Variants in PDE10A observed in about 807,000 individuals in gnomAD.
PDE10A encodes phosphodiesterase 10A.
PDE10A carries 39 observed loss-of-function variants against 97.7 expected under a neutral mutation model. The observed-to-expected ratio is 0.40, with a 90% CI of 0.31 to 0.52. The LOEUF (loss-of-function observed/expected upper bound fraction) is 0.52. Among genes scored for constraint, PDE10A ranks in the 20% least tolerant of loss-of-function variants. The pLI is 0.56. For missense variants in PDE10A, 731 were observed against 1,047.8 expected, an observed-to-expected ratio of 0.70 and a Z score of 4.17; for synonymous variants, 371 against 376.8, an observed-to-expected ratio of 0.98 and a Z score of 0.18.
chr6:165,406,508 C>T (rs565448151), intron 13 of PDE10A, among the ~76,000 whole-genome samples: 2 of 152,146 alleles, frequency 1.3e-5, no homozygotes, highest in African/African-American at 4.8e-5. Context: ...TTTCATGAAC[C>T]CTATCCTTGC....
intron 1 of PDE10A, among the ~76,000 whole-genome samples, chr6:165,650,553 C>T (rs3008050): frequency 0.4 from 60,442 of 151,950 alleles, 12,132 homozygotes; most frequent in Middle Eastern, 0.54. Flanking sequence ...CGGTGTATCT[C>T]GAAGATCTTC....
Position 165,390,480 on chromosome 6 carries a change from T to G in PDE10A, c.2455-2027A>C, listed in dbSNP as rs1193603058. On this transcript the variant is annotated intron_variant, in intron 16 of 21. Coordinates refer to ENST00000539869, the MANE Select transcript of PDE10A (RefSeq NM_001385079.1). ...GAGAAGAGCGGCAGATCGGAGCATATTCTAAGATGGAAGTAAAAAACTGCA... is the reference window on the plus strand; with the variant it reads ...GAGAAGAGCGGCAGATCGGAGCATAGTCTAAGATGGAAGTAAAAAACTGCA... Among the ~76,000 whole-genome samples the G allele has an allele frequency of 1.4e-4, 22 of 152,086 alleles. 1 individual carries two copies. The highest frequency in any genetic ancestry group is 2.6e-4 in the Non-Finnish European group (18 of 68,020).
chr6:165,947,634 G>A (rs900952119), intron 1 of PDE10A, among the ~76,000 whole-genome samples: 2 of 152,168 alleles, frequency 1.3e-5, no homozygotes, highest in Admixed American at 1.3e-4. Flanking sequence ...ATCTCAAGTT[G>A]TGGCATAAAC....
intron 2 of PDE10A, among the ~76,000 whole-genome samples, chr6:165,537,662 T>C (rs1465457134): frequency 6.6e-6 from 1 of 152,018 alleles, no homozygotes; most frequent in African/African-American, 2.4e-5. Flanking sequence ...AATAACTCTT[T>C]ATAGATGAAT....
At chr6:165,527,661 A>T (rs1453542556) in intron 2 of PDE10A, among the ~76,000 whole-genome samples, 1 of 152,192 alleles carries the variant, frequency 6.6e-6, no homozygotes. Context: ...CTAGCCATAA[A>T]GTGGGTCATG....
chr6:165,390,567 G>A (rs1309953713), intron 16 of PDE10A, among the ~76,000 whole-genome samples: 2 of 152,148 alleles, frequency 1.3e-5, no homozygotes, highest in African/African-American at 4.8e-5. Flanking sequence ...ATGGAGGAGA[G>A]AGAAGAGTGG....
chr6:165,925,587 T>G (rs182834477), intron 1 of PDE10A, among the ~76,000 whole-genome samples: 117 of 152,298 alleles, frequency 7.7e-4, no homozygotes, highest in African/African-American at 2.7e-3. Flanking sequence ...TACTCTCCAG[T>G]GAATTATGTG....
At chr6:165,824,947 ATG>A (rs1779684444) in intron 1 of PDE10A, among the ~76,000 whole-genome samples, 1 of 141,476 alleles carries the variant, frequency 7.1e-6, no homozygotes, top group Non-Finnish European at 1.5e-5. Flanking sequence ...CCTGGCCAAC[ATG>A]GTGAAACCCC....
At chr6:165,955,799 A>T (rs934054148) in intron 1 of PDE10A, among the ~76,000 whole-genome samples, 9 of 152,236 alleles carry the variant, frequency 5.9e-5, no homozygotes, top group African/African-American at 2.2e-4. Flanking sequence ...GACAAATGAA[A>T]AGTTAAAAGC....
chr6:165,614,092 T>G (rs1170310504), intron 1 of PDE10A, among the ~76,000 whole-genome samples: 4 of 152,190 alleles, frequency 2.6e-5, no homozygotes, highest in Non-Finnish European at 5.9e-5. Flanking sequence ...CGCAAACATT[T>G]CCACTTACTT....
intron 1 of PDE10A, among the ~76,000 whole-genome samples, chr6:165,681,322 C>G (rs1790971749): frequency 6.6e-6 from 1 of 152,050 alleles, no homozygotes; most frequent in African/African-American, 2.4e-5. Flanking sequence ...GAAAAACAGA[C>G]AAGTTGAAAA....
At chr6:165,660,931 C>G (rs1790221549) in intron 1 of PDE10A, 2 of 152,428 alleles carry the variant, frequency 1.3e-5, no homozygotes, top group South Asian at 4.1e-4. Context: ...CTACCCGGCC[C>G]CGCCGCGGTC....
At chr6:165,691,135 ATAAGC>A (rs1791274952) in intron 1 of PDE10A, among the ~76,000 whole-genome samples, 1 of 98,868 alleles carries the variant, frequency 1.0e-5, no homozygotes, top group African/African-American at 4.1e-5. Context: ...CTGTGGTCAC[ATAAGC>A]CAATTCCTTA....
intron 2 of PDE10A, among the ~76,000 whole-genome samples, chr6:165,494,295 T>G (rs888724076): frequency 4.6e-5 from 7 of 152,124 alleles, no homozygotes; most frequent in African/African-American, 1.4e-4. Flanking sequence ...ATCTACCATT[T>G]GATCCAGCAA....
chr6:165,762,643 T>C (rs1174102018), intron 1 of PDE10A, among the ~76,000 whole-genome samples: 2 of 152,208 alleles, frequency 1.3e-5, no homozygotes, highest in Non-Finnish European at 2.9e-5. Flanking sequence ...ATAACACAGA[T>C]ATGTAATGAA....
At chr6:165,943,541 G>T (rs540043028) in intron 1 of PDE10A, among the ~76,000 whole-genome samples, 9 of 152,144 alleles carry the variant, frequency 5.9e-5, no homozygotes, top group African/African-American at 1.9e-4. Context: ...AGCCACTGGC[G>T]TAAGTACAGA....
chr6:165,843,811 G>A (rs1252297954), intron 1 of PDE10A, among the ~76,000 whole-genome samples: 1 of 152,226 alleles, frequency 6.6e-6, no homozygotes, highest in Non-Finnish European at 1.5e-5. Context: ...TCCCGGAGGG[G>A]CAGGGCAGTC....
At chr6:165,953,590 CAA>C (rs35801238) in intron 1 of PDE10A, among the ~76,000 whole-genome samples, 40,581 of 147,724 alleles carry the variant, frequency 0.27, 5,518 homozygotes, top group East Asian at 0.36. Context: ...GACTTCGTCT[CAA>C]AAAAAAAAAA....
chr6:165,831,112 C>T (rs977236670), intron 1 of PDE10A, among the ~76,000 whole-genome samples: 12 of 152,110 alleles, frequency 7.9e-5, no homozygotes, highest in East Asian at 3.9e-4. Context: ...AGGCCGGGCG[C>T]GGTGGCTCAA....
Sources: gnomAD v4.1 joint callset for allele counts (sites outside exome capture counted in the v4.1 genomes callset) on GRCh38, gnomAD v4.1.1 for gene constraint, MANE v1.5 for transcripts, NCBI Gene and HGNC (gene_info 2026-07-23, HGNC 2026-07-21) for gene names.